NICOL1: variants seen among roughly 807,000 people sequenced by gnomAD.
The protein encoded by NICOL1 is NELL2 interacting cell ontogeny regulator 1.
the NICOL1 span, among the ~76,000 whole-genome samples, chr4:2,036,990 C>T: frequency 1.3e-5 from 2 of 151,920 alleles, no homozygotes; most frequent in Non-Finnish European, 2.9e-5. Context: ...CTCTGATCCC[C>T]AGTGTTGGAG....
the NICOL1 span, chr4:2,041,985 G>C: frequency 7.0e-5 from 103 of 1,466,448 alleles, no homozygotes; most frequent in Admixed American, 5.6e-4. Context: ...GCGGGGTCGG[G>C]TCGGAGCGCA....
chr4:2,042,311 C>A, the NICOL1 span: 1 of 670,396 alleles, frequency 1.5e-6, no homozygotes, highest in Non-Finnish European at 2.2e-6. Flanking sequence ...CGCCGCTGAC[C>A]CCTCGCTGGC....
the NICOL1 span, chr4:2,042,663 G>A: frequency 2.3e-6 from 2 of 868,404 alleles, no homozygotes; most frequent in African/African-American, 1.8e-5. Flanking sequence ...TGGGTGGACG[G>A]GCCCAGAGTG....
At chr4:2,042,862 C>A in the NICOL1 span, 1 of 1,405,530 alleles carries the variant, frequency 7.1e-7, no homozygotes, top group Non-Finnish European at 9.4e-7. Flanking sequence ...CCGGGCTTCC[C>A]AGGGGGTGGG....
chr4:2,042,743 A>C, the NICOL1 span: 1 of 1,513,664 alleles, frequency 6.6e-7, no homozygotes, highest in Admixed American at 2.0e-5. Context: ...CAGGCCGCCC[A>C]TGCGTGGACT....
the NICOL1 span, chr4:2,042,022 G>A: frequency 2.1e-5 from 31 of 1,473,048 alleles, no homozygotes; most frequent in Middle Eastern, 1.9e-4. Context: ...GACGCGGAAC[G>A]TCTGCCGGTG....
chr4:2,042,398 C>A, the NICOL1 span: 1 of 503,948 alleles, frequency 2.0e-6, no homozygotes, highest in South Asian at 2.9e-5. Context: ...CCGCCGCCGC[C>A]GCCGCTGCTG....
the NICOL1 span, chr4:2,042,421 A>C: frequency 2.1e-6 from 1 of 470,114 alleles, no homozygotes; most frequent in East Asian, 3.7e-5. Context: ...GCTGCTGCTG[A>C]GTCTGGCGCT....
chr4:2,038,260 TATATATATATATATATATATATATAA>T, the NICOL1 span, among the ~76,000 whole-genome samples: 2 of 68,530 alleles, frequency 2.9e-5, no homozygotes, highest in South Asian at 8.3e-4. Context: ...TATATATATA[TATATATATATATATATATATATATAA>T]AATTAAAATT....
At chr4:2,040,237 G>C in the NICOL1 span, among the ~76,000 whole-genome samples, 1 of 152,202 alleles carries the variant, frequency 6.6e-6, no homozygotes, top group Admixed American at 6.5e-5. Context: ...CTCCCCAGTA[G>C]CTGGGATTAC....
At chr4:2,038,284 TAA>T in the NICOL1 span, among the ~76,000 whole-genome samples, 30 of 114,884 alleles carry the variant, frequency 2.6e-4, no homozygotes, top group South Asian at 1.5e-3. Flanking sequence ...TATATATATA[TAA>T]AATTAAAATT....
At chr4:2,040,120 T>A in the NICOL1 span, among the ~76,000 whole-genome samples, 9 of 151,858 alleles carry the variant, frequency 5.9e-5, no homozygotes, top group Non-Finnish European at 1.0e-4. Context: ...ATATATATAT[T>A]TTTTGAGATG....
chr4:2,042,191 C>A, the NICOL1 span: 1 of 1,425,170 alleles, frequency 7.0e-7, no homozygotes, highest in South Asian at 1.4e-5. Flanking sequence ...GAGGGGGCTC[C>A]CGGGCCCGGG....
chr4:2,041,309 G>A, the NICOL1 span, among the ~76,000 whole-genome samples: 1 of 152,158 alleles, frequency 6.6e-6, no homozygotes, highest in African/African-American at 2.4e-5. Context: ...GGGCGCCCCC[G>A]GGGGCCACTG....
the NICOL1 span, among the ~76,000 whole-genome samples, chr4:2,040,598 C>G: frequency 2.0e-5 from 3 of 152,312 alleles, no homozygotes; most frequent in Non-Finnish European, 2.9e-5. Context: ...CGGCCTGCTC[C>G]CGGGCTCTTG....
At chr4:2,042,257 C>T in the NICOL1 span, 2 of 233,724 alleles carry the variant, frequency 8.6e-6, no homozygotes, top group African/African-American at 2.9e-5. Context: ...GTGGGGCCCG[C>T]GGGAGGGGAC....
chr4:2,043,699 A>T, the NICOL1 span, among the ~76,000 whole-genome samples: 1 of 152,124 alleles, frequency 6.6e-6, no homozygotes, highest in Non-Finnish European at 1.5e-5. Flanking sequence ...ACTGCAGAGG[A>T]AAGAGATGAG....
At chr4:2,042,711 C>G in the NICOL1 span, 1 of 1,461,834 alleles carries the variant, frequency 6.8e-7, no homozygotes, top group Non-Finnish European at 9.1e-7. Context: ...TGCGCCCCCT[C>G]CACCCTGACC....
the NICOL1 span, among the ~76,000 whole-genome samples, chr4:2,041,389 G>C: frequency 6.6e-6 from 1 of 152,216 alleles, no homozygotes. Context: ...AGAGGCCGAG[G>C]ACCTGTGGTC....
Sources: gnomAD v4.1 joint callset for allele counts (sites outside exome capture counted in the v4.1 genomes callset) on GRCh38, gnomAD v4.1.1 for gene constraint, MANE v1.5 for transcripts, NCBI Gene and HGNC (gene_info 2026-07-23, HGNC 2026-07-21) for gene names.